ITFG1: variants seen among roughly 807,000 people sequenced by gnomAD.
ITFG1 encodes integrin alpha FG-GAP repeat containing 1, also known as T-cell immunomodulatory protein.
In ITFG1, 34 loss-of-function variants were observed where a neutral mutation model predicts 81.8. That is an observed-to-expected ratio of 0.42 (90% CI 0.32 to 0.55). ITFG1 has a LOEUF of 0.55. Among genes scored for constraint, ITFG1 ranks in the 20% least tolerant of loss-of-function variants. ITFG1 has a pLI of 0.17. For missense variants in ITFG1, 672 were observed against 755.4 expected (o/e 0.89, Z 1.29); for synonymous variants, 285 against 270.6 (o/e 1.05, Z -0.52).
At chr16:47,336,999 G>A (rs1472155655) in intron 8 of ITFG1, among the ~76,000 whole-genome samples, 1 of 150,978 alleles carries the variant, frequency 6.6e-6, no homozygotes, top group Non-Finnish European at 1.5e-5. Context: ...GCTGGGTACA[G>A]TGGCTCATGC....
intron 10 of ITFG1, among the ~76,000 whole-genome samples, chr16:47,276,893 A>G (rs1293698007): frequency 6.6e-6 from 1 of 152,226 alleles, no homozygotes; most frequent in Non-Finnish European, 1.5e-5. Context: ...CTACATATGA[A>G]AAGTAAAATT....
chr16:47,316,819 A>T (rs1049251157), intron 8 of ITFG1, among the ~76,000 whole-genome samples: 7 of 152,222 alleles, frequency 4.6e-5, no homozygotes, highest in African/African-American at 1.7e-4. Flanking sequence ...TAGGAGCTAG[A>T]ATTACTTTAA....
At chr16:47,442,675 T>C (rs1969268902) in intron 5 of ITFG1, among the ~76,000 whole-genome samples, 1 of 152,108 alleles carries the variant, frequency 6.6e-6, no homozygotes, top group Non-Finnish European at 1.5e-5. Flanking sequence ...TAATAAATGG[T>C]GCTGGGAAAA....
At chr16:47,206,366 T>G (rs1965500310) in intron 14 of ITFG1, among the ~76,000 whole-genome samples, 1 of 152,234 alleles carries the variant, frequency 6.6e-6, no homozygotes, top group African/African-American at 2.4e-5. Context: ...TGATTTATTC[T>G]TATTGAGATA....
chr16:47,309,235 A>C (rs1056570898), intron 10 of ITFG1, among the ~76,000 whole-genome samples: 22 of 151,886 alleles, frequency 1.4e-4, no homozygotes, highest in Non-Finnish European at 2.9e-4. Flanking sequence ...CGCCCAGCTA[A>C]TTTTTATATT....
chr16:47,264,601 G>GAT (rs1966254657), intron 10 of ITFG1, among the ~76,000 whole-genome samples: 1 of 150,726 alleles, frequency 6.6e-6, no homozygotes, highest in African/African-American at 2.4e-5. Flanking sequence ...CAGAGATAGA[G>GAT]AGAAAATTTT....
At chr16:47,313,480 T>C (rs997036586) in intron 9 of ITFG1, among the ~76,000 whole-genome samples, 2 of 152,336 alleles carry the variant, frequency 1.3e-5, no homozygotes, top group South Asian at 4.1e-4. Context: ...TATAAAAAGC[T>C]AAAAGATCAT....
chr16:47,418,027 C>G (rs1413071552), intron 6 of ITFG1, among the ~76,000 whole-genome samples: 4 of 152,110 alleles, frequency 2.6e-5, no homozygotes, highest in African/African-American at 4.8e-5. Context: ...TCTGCATCCT[C>G]AGCAGGATTT....
At chr16:47,325,702 G>T (rs868194747) in intron 8 of ITFG1, among the ~76,000 whole-genome samples, 1 of 152,050 alleles carries the variant, frequency 6.6e-6, no homozygotes, top group Non-Finnish European at 1.5e-5. Context: ...ACACCTCTAC[G>T]CAAATAAACT....
chr16:47,349,609 T>A (rs938354673), intron 8 of ITFG1, among the ~76,000 whole-genome samples: 1 of 152,302 alleles, frequency 6.6e-6, no homozygotes, highest in Non-Finnish European at 1.5e-5. Flanking sequence ...ACAATAATAA[T>A]GGGAGACTTT....
At chr16:47,359,571 C>T (rs1968083220) in intron 8 of ITFG1, among the ~76,000 whole-genome samples, 1 of 152,194 alleles carries the variant, frequency 6.6e-6, no homozygotes, top group Non-Finnish European at 1.5e-5. Context: ...ATAGCTTTTC[C>T]CTCTTAACTA....
chr16:47,361,865 A>G (rs1968114116), intron 8 of ITFG1, among the ~76,000 whole-genome samples: 1 of 151,992 alleles, frequency 6.6e-6, no homozygotes, highest in Non-Finnish European at 1.5e-5. Context: ...CCCTCTGTCA[A>G]TCTCCATTTT....
At chr16:47,254,168 A>G (rs1314377037) in intron 12 of ITFG1, among the ~76,000 whole-genome samples, 1 of 152,004 alleles carries the variant, frequency 6.6e-6, no homozygotes, top group African/African-American at 2.4e-5. Flanking sequence ...GCATTAGGTT[A>G]GACTTGGGCA....
chr16:47,293,347 T>A (rs1012310169), intron 10 of ITFG1, among the ~76,000 whole-genome samples: 2 of 151,898 alleles, frequency 1.3e-5, no homozygotes, highest in African/African-American at 2.4e-5. Context: ...GTATAATGAT[T>A]TATTTTCTAT....
At chr16:47,216,630 A>G (rs1965627953) in intron 14 of ITFG1, among the ~76,000 whole-genome samples, 1 of 152,072 alleles carries the variant, frequency 6.6e-6, no homozygotes, top group South Asian at 2.1e-4. Context: ...CTTTTCTTCT[A>G]TGAAGTGAGA....
chr16:47,275,525 T>C (rs1966388815), intron 10 of ITFG1, among the ~76,000 whole-genome samples: 1 of 152,202 alleles, frequency 6.6e-6, no homozygotes, highest in South Asian at 2.1e-4. Context: ...TTTAACGTTC[T>C]GAATCCAACT....
At chr16:47,167,489 T>TTA (rs1964907466) in intron 14 of ITFG1, among the ~76,000 whole-genome samples, 1 of 152,116 alleles carries the variant, frequency 6.6e-6, no homozygotes, top group Non-Finnish European at 1.5e-5. Context: ...AGTGATGACA[T>TTA]TACCTTGTGA....
At position 47,159,347 on chromosome 16, in the gene ITFG1, C is replaced by T. The variant is rs924312578; in HGVS notation, c.1662-357G>A. Among the ~76,000 whole-genome samples the T allele has an allele frequency of 2.6e-5, 4 of 152,114 alleles. No individual in the cohort carries two copies. In the South Asian group the frequency reaches 8.3e-4, roughly 32 times the overall value. On this transcript the variant is annotated intron_variant, in intron 16 of 17. Coordinates refer to ENST00000320640, the MANE Select transcript of ITFG1 (RefSeq NM_030790.5). The stretch of plus-strand genomic sequence containing the variant: ...ACATCTTTTTTACATCTTGATTTAC[C>T]TGCTTAATTTGAAAACCTGAACTCT...
intron 8 of ITFG1, among the ~76,000 whole-genome samples, chr16:47,328,075 T>G (rs1341226530): frequency 3.3e-5 from 5 of 152,150 alleles, no homozygotes; most frequent in Non-Finnish European, 7.3e-5. Flanking sequence ...CCAACCCAAA[T>G]GTCCAACAAT....
Sources: gnomAD v4.1 joint callset for allele counts (sites outside exome capture counted in the v4.1 genomes callset) on GRCh38, gnomAD v4.1.1 for gene constraint, MANE v1.5 for transcripts, NCBI Gene and HGNC (gene_info 2026-07-23, HGNC 2026-07-21) for gene names.